MSI1: variants seen among roughly 807,000 people sequenced by gnomAD.
MSI1 encodes RNA-binding protein Musashi homolog 1.
A neutral mutation model predicts 54.4 loss-of-function variants in MSI1; 15 were observed. The observed-to-expected ratio is 0.28, with a 90% CI of 0.18 to 0.42. MSI1 has a LOEUF of 0.42. MSI1 is among the 20% of genes least tolerant of loss of function. The pLI is 1.00. For synonymous variants in MSI1, 200 were observed against 196.5 expected, an observed-to-expected ratio of 1.02 and a Z score of -0.15; for missense variants, 304 against 506.0, an observed-to-expected ratio of 0.60 and a Z score of 3.83.
In MSI1 at chr12:120,346,219, C is replaced by T. The variant is rs1462794710; in HGVS notation, c.963G>A (p.Gly321=). 8 of 1,598,556 alleles carry T rather than the reference C, an allele frequency of 5.0e-6. No homozygotes were observed. The highest frequency in any genetic ancestry group is 1.3e-5 in the African/African-American group (1 of 74,630). ...TGACCCCCGAGTCCTGGTTGGCCGC[C>T]CCGTAGAGCTCGGCCATGGGGCCGG... ...TSPGPMAELY[G]AANQDSGVSS... is the part of the protein sequence containing the mutation. The change falls in exon 13 of 15, where the codon GGG becomes GGA. Residue 321 remains glycine, a synonymous_variant. Transcript: ENST00000257552.
chr12:120,354,068 T>A (rs1845164502), intron 9 of MSI1, among the ~76,000 whole-genome samples: 1 of 152,130 alleles, frequency 6.6e-6, no homozygotes, highest in Non-Finnish European at 1.5e-5. Flanking sequence ...CACTGCAGCC[T>A]CAAACTTCTG....
chr12:120,353,453 C>G, intron 9 of MSI1, 74 bp from the exon 10 acceptor site: 3 of 1,283,196 alleles, frequency 2.3e-6, no homozygotes, highest in Non-Finnish European at 3.4e-6. Flanking sequence ...GGACCTGAGC[C>G]ACTCATGTCC....
intron 4 of MSI1, among the ~76,000 whole-genome samples, chr12:120,365,893 G>A (rs111716871): frequency 7.2e-5 from 11 of 152,300 alleles, no homozygotes; most frequent in African/African-American, 2.6e-4. Context: ...GGGCAGCTGC[G>A]GGGAATCAGA....
intron 11 of MSI1, among the ~76,000 whole-genome samples, chr12:120,349,603 G>A (rs1874426791): frequency 6.6e-6 from 1 of 152,206 alleles, no homozygotes; most frequent in Non-Finnish European, 1.5e-5. Flanking sequence ...CCTTGTCTGT[G>A]TCACTCACTG....
chr12:120,364,822 CT>C, intron 4 of MSI1, 67 bp from the exon 5 acceptor site: 1 of 1,460,086 alleles, frequency 6.8e-7, no homozygotes, highest in South Asian at 1.3e-5. Flanking sequence ...ACCACACAGC[CT>C]TCAGCCCTCA....
chr12:120,354,221 A>G (rs1348565884), intron 9 of MSI1, among the ~76,000 whole-genome samples: 1 of 151,928 alleles, frequency 6.6e-6, no homozygotes, highest in East Asian at 1.9e-4. Flanking sequence ...ACTAGCCTCA[A>G]GTGATCCTCC....
chr12:120,367,910 A>C (rs1876116148), intron 4 of MSI1, 98 bp downstream of exon 4: 1 of 1,253,710 alleles, frequency 8.0e-7, no homozygotes, highest in Non-Finnish European at 1.1e-6. Flanking sequence ...CTCCTTCCTC[A>C]TGGACCCCGT....
intron 9 of MSI1, among the ~76,000 whole-genome samples, chr12:120,353,680 C>T (rs567439373): frequency 9.8e-5 from 15 of 152,298 alleles, no homozygotes; most frequent in African/African-American, 3.6e-4. Context: ...CTGGCTCCTG[C>T]TTCCCTCCTG....
chr12:120,352,650 G>A (rs552832257), intron 10 of MSI1, among the ~76,000 whole-genome samples: 4 of 151,350 alleles, frequency 2.6e-5, no homozygotes, highest in Non-Finnish European at 5.9e-5. Context: ...AGTGCTTAGG[G>A]GCCCTCCAAA....
At position 120,359,036 on chromosome 12, in the gene MSI1, C is replaced by T; in HGVS notation, c.420G>A (p.Leu140=). The T allele has an allele frequency of 6.4e-7, 1 of 1,561,166 alleles. No individual in the cohort carries two copies. Among genetic ancestry groups the T allele is most frequent in the Non-Finnish European group, 8.7e-7 (1 of 1,152,344 alleles). ...GCCGGTTGGTGGTTTTGTCAAACATCAGCATGGCGTCGTCCACCTGAAACA... is the reference window on the plus strand; with the variant it reads ...GCCGGTTGGTGGTTTTGTCAAACATTAGCATGGCGTCGTCCACCTGAAACA... The part of the protein sequence containing the change: ...EQFGKVDDAM[L]MFDKTTNRHR... Residue 140 remains leucine, a synonymous_variant, in exon 7 of 15, where the codon CTG becomes CTA. Transcript: ENST00000257552.
At chr12:120,354,432 T>C (rs1874896959) in intron 9 of MSI1, among the ~76,000 whole-genome samples, 1 of 105,066 alleles carries the variant, frequency 9.5e-6, no homozygotes, top group Admixed American at 9.7e-5. Flanking sequence ...AATTTCTTTT[T>C]CCACTTTTTT....
chr12:120,363,942 C>T (rs1206239837), intron 5 of MSI1, among the ~76,000 whole-genome samples: 2 of 152,174 alleles, frequency 1.3e-5, no homozygotes, highest in Admixed American at 6.5e-5. Context: ...AGAGGGACCT[C>T]GTCCTAGGAC....
chr12:120,369,000 G>C lies in MSI1; in HGVS notation c.59+33C>G. On this transcript the variant is annotated intron_variant, in intron 1 of 14. Transcript: ENST00000257552. This position sits in a 1 kb window ranked among gnomAD's most constrained non-coding sequence, Gnocchi z 6.6. ...CGGCCATGTTGGCGGGGCCGGGGCG[G>C]GCGCGGGCCAAGCAGGCCGGGCCGG... The C allele has an allele frequency of 9.1e-7, 1 of 1,093,824 alleles. No homozygotes were observed. The highest frequency in any genetic ancestry group is 1.1e-6 in the Non-Finnish European group (1 of 898,512). The allele number at this position is 1,093,824 out of a possible 1,614,324, so 67.8% of individuals were successfully genotyped here.
chr12:120,353,198 G>T, intron 10 of MSI1, 101 bp downstream of exon 10: 2 of 1,143,098 alleles, frequency 1.7e-6, no homozygotes, highest in Non-Finnish European at 2.6e-6. Context: ...CCTCCAGCAA[G>T]CAGACCCCCA....
chr12:120,353,300 G>A lies in MSI1; in HGVS notation c.732C>T (p.Pro244=), dbSNP rs140182426. The change falls in exon 10 of 15, where the codon CCC becomes CCT. Residue 244 remains proline (P), a splice_region_variant and synonymous_variant. Coordinates refer to ENST00000257552, the MANE Select transcript of MSI1 (RefSeq NM_002442.4). ...AGAGGGATACTGAGCAGGACTTACC[G>A]GGGAACTGGTAGGTGTAGCCAGGGG... is the stretch of plus-strand genomic sequence containing the variant. ...GLAPGYTYQF[P]EFRVERTPLP... is the part of the protein sequence containing the mutation. The A allele has an allele frequency of 1.7e-5, 27 of 1,613,802 alleles. No homozygotes were observed. The highest frequency in any genetic ancestry group is 3.3e-4 in the Middle Eastern group (2 of 6,084).
At chr12:120,351,714 T>C (rs1465272450) in intron 10 of MSI1, among the ~76,000 whole-genome samples, 33 of 146,444 alleles carry the variant, frequency 2.3e-4, no homozygotes, top group South Asian at 6.4e-4. Context: ...TTTCTCTCTT[T>C]TTTTTTTTTT....
At chr12:120,354,372 A>G (rs1190885678) in intron 9 of MSI1, among the ~76,000 whole-genome samples, 1 of 152,006 alleles carries the variant, frequency 6.6e-6, no homozygotes, top group African/African-American at 2.4e-5. Flanking sequence ...TAAAATTCAG[A>G]TCTGACGGGC....
intron 12 of MSI1, 118 bp from the exon 13 acceptor site, chr12:120,346,440 G>T (rs1197626925): frequency 1.9e-6 from 2 of 1,046,664 alleles, no homozygotes; most frequent in East Asian, 5.7e-5. Flanking sequence ...AAGTCCTGTG[G>T]GCCCACCTCC....
At chr12:120,347,313 G>A in intron 12 of MSI1, 133 bp downstream of exon 12, 1 of 1,104,622 alleles carries the variant, frequency 9.1e-7, no homozygotes, top group Non-Finnish European at 1.3e-6. Flanking sequence ...CACAGAGCAG[G>A]TAATCAGGTG....
Sources: gnomAD v4.1 joint callset for allele counts (sites outside exome capture counted in the v4.1 genomes callset) on GRCh38, gnomAD v4.1.1 for gene constraint, Gnocchi (gnomAD v3.1) non-coding constraint, MANE v1.5 for transcripts, NCBI Gene and HGNC (gene_info 2026-07-23, HGNC 2026-07-21) for gene names.